The following CIB3 variants were observed in gnomAD, a reference collection of about 807,000 sequenced individuals.
The protein encoded by CIB3 is calcium and integrin binding family member 3, also known as calcium and integrin-binding family member 3.
Under a neutral mutation model 23.4 loss-of-function variants are expected in CIB3, and 22 were observed. The ratio of observed to expected loss-of-function variants is 0.94; its 90% CI spans 0.67 to 1.34. CIB3 has a LOEUF of 1.34. Ranked by LOEUF, CIB3 falls within the 40% of genes most tolerant of loss-of-function variation. CIB3 has a pLI of 0.00. For synonymous variants in CIB3, 93 were observed against 95.8 expected (o/e 0.97, Z 0.17); for missense variants, 258 against 247.3 (o/e 1.04, Z -0.29).
chr19:16,169,530 AT>A (rs750588045), intron 3 of CIB3, 99 bp downstream of exon 3: 24 of 1,072,220 alleles, frequency 2.2e-5, no homozygotes, highest in Non-Finnish European at 3.2e-5. Flanking sequence ...CAGTTTTCTT[AT>A]CTTTAAAATG....
chr19:16,166,914 T>C (rs2091308035), intron 4 of CIB3, among the ~76,000 whole-genome samples: 1 of 152,114 alleles, frequency 6.6e-6, no homozygotes, highest in Non-Finnish European at 1.5e-5. Context: ...ACCCCATCTT[T>C]ACTAAAAATA....
In CIB3 at chr19:16,168,173, G is replaced by A. The variant is rs201589872; in HGVS notation, c.310C>T (p.Arg104Cys). The change falls in exon 4 of 6, where the codon CGC (arginine) becomes TGC (cysteine). Residue 104 changes from arginine (R) to cysteine (C), a missense_variant. By Grantham distance (180) the Arg-to-Cys change is radical. Coordinates refer to ENST00000269878, the MANE Select transcript of CIB3 (RefSeq NM_054113.4). Reference sequence around the variant, plus strand: ...AAAGCATAGTAAGCCTTGAGGTCGCGGGGAGCCATTTCACTCATCACGGAA... The same window carrying A: ...AAAGCATAGTAAGCCTTGAGGTCGCAGGGAGCCATTTCACTCATCACGGAA... ...MFSVMSEMAP[R>C]DLKAYYAFKI... 217 of 1,611,590 alleles carry A rather than the reference G, an allele frequency of 1.3e-4. No individual in the cohort carries two copies. The highest frequency in any genetic ancestry group is 2.0e-4 in the South Asian group (18 of 90,388).
At chr19:16,165,025 G>T in intron 4 of CIB3, 112 bp from the exon 5 acceptor site, 2 of 892,720 alleles carry the variant, frequency 2.2e-6, no homozygotes, top group Non-Finnish European at 3.6e-6. Flanking sequence ...CGGGCACGGT[G>T]GCTCACGCCT....
At chr19:16,165,683 T>C (rs1249237006) in intron 4 of CIB3, among the ~76,000 whole-genome samples, 2 of 152,160 alleles carry the variant, frequency 1.3e-5, no homozygotes, top group African/African-American at 4.8e-5. Context: ...CCTCAGGTGA[T>C]CCACCCACCT....
chr19:16,166,987 G>T lies in CIB3; in HGVS notation c.346+1150C>A, dbSNP rs555456784. Among the ~76,000 whole-genome samples the T allele has an allele frequency of 8.5e-5, 13 of 152,226 alleles. No individual in the cohort carries two copies. In the South Asian group the frequency reaches 1.0e-3, roughly 12 times the overall value. On this transcript the variant is annotated intron_variant, in intron 4 of 5. Transcript: ENST00000269878. ...TCCCAGCACTTTGGGAGGCTGAGGC[G>T]GGTGGATCACCTGAGGTCAGGAGTT...
Position 16,173,419 on chromosome 19 carries a change from C to A in CIB3, c.51+6G>T. 1 of 1,613,620 alleles carries A rather than the reference C, an allele frequency of 6.2e-7. No homozygotes were observed. The highest frequency in any genetic ancestry group is 8.5e-7 in the Non-Finnish European group (1 of 1,179,534). On this transcript the variant is annotated splice_donor_region_variant and intron_variant, in intron 1 of 5. Transcript: ENST00000269878. ...CCCACTGAGGACCCATCCTGCCCCC[C>A]TCTACCTGATACGCTTCCAGCTGCT...
rs748948535 is a variant in CIB3 at position 16,164,863 on chromosome 19, T to G, written c.397A>C (p.Thr133Pro). Residue 133 changes from threonine to proline, a missense_variant, in exon 5 of 6, where the codon ACC becomes CCC. Transcript: ENST00000269878. ...ICAWDLEQTV[T>P]KLTRGGLSAE... ...CTCAGCCCCCCCCGCGTCAGTTTGGTCACCGTCTGCTCCAGGTCCCACGCA... is the reference window on the plus strand; with the variant it reads ...CTCAGCCCCCCCCGCGTCAGTTTGGGCACCGTCTGCTCCAGGTCCCACGCA... 1 of 1,614,080 alleles carries G rather than the reference T, an allele frequency of 6.2e-7. No homozygotes were observed. The highest frequency in any genetic ancestry group is 8.5e-7 in the Non-Finnish European group (1 of 1,180,018).
chr19:16,166,368 T>C (rs1485727582), intron 4 of CIB3, among the ~76,000 whole-genome samples: 1 of 152,186 alleles, frequency 6.6e-6, no homozygotes, highest in African/African-American at 2.4e-5. Context: ...CTTTCATTCA[T>C]TTATTCAAGT....
chr19:16,169,542 G>A, intron 3 of CIB3, 88 bp downstream of exon 3: 1 of 1,158,240 alleles, frequency 8.6e-7, no homozygotes, highest in East Asian at 2.6e-5. Context: ...CTTTAAAATG[G>A]GGATAACTGC....
chr19:16,169,750 G>C lies in CIB3; in HGVS notation c.87-9C>G, dbSNP rs1286697402. On this transcript the variant is annotated splice_polypyrimidine_tract_variant and intron_variant, in intron 2 of 5. Transcript: ENST00000269878. ...GGTAGCGATAGAAGAGCCTGATGTG[G>C]GGAGGAAAAAGCTGGGAAAGACTGG... 1 of 1,591,024 alleles carries C rather than the reference G, an allele frequency of 6.3e-7. No homozygotes were observed. The highest frequency in any genetic ancestry group is 1.4e-5 in the African/African-American group (1 of 73,754).
intron 5 of CIB3, among the ~76,000 whole-genome samples, chr19:16,164,019 T>C (rs2091295496): frequency 6.6e-6 from 1 of 152,216 alleles, no homozygotes; most frequent in Admixed American, 6.5e-5. Flanking sequence ...TGACCCAGGC[T>C]GGAGTGCATG....
intron 2 of CIB3, 151 bp downstream of exon 2, chr19:16,173,011 G>A: frequency 4.7e-6 from 5 of 1,068,262 alleles, no homozygotes; most frequent in Non-Finnish European, 5.5e-6. Flanking sequence ...GAGAGAGAGA[G>A]AAAAGAGAAA....
chr19:16,161,569 A>C, intron 5 of CIB3, 83 bp from the exon 6 acceptor site: 5 of 1,479,908 alleles, frequency 3.4e-6, no homozygotes, highest in Non-Finnish European at 4.7e-6. Context: ...GCTCACGGCA[A>C]GTCCCTGGGA....
At position 16,164,810 on chromosome 19, in the gene CIB3, C is replaced by T. The variant is rs547971818; in HGVS notation, c.450G>A (p.Glu150=). 5 of 1,614,076 alleles carry T rather than the reference C, an allele frequency of 3.1e-6. No individual in the cohort carries two copies. The Middle Eastern group carries it at 6.6e-4, about 213-fold the overall frequency. The change falls in exon 5 of 6, where the codon GAG becomes GAA. Residue 150 remains glutamate, a synonymous_variant. Transcript: ENST00000269878. ...LSAEEVSLVC[E]KVLDEADGDH... ...CTCCATCAGCCTCATCCAGCACCTT[C>T]TCACATACCAGGCTCACCTCCTCGG...
chr19:16,161,626 G>A (rs2145074602), intron 5 of CIB3, 140 bp from the exon 6 acceptor site: 1 of 798,526 alleles, frequency 1.3e-6, no homozygotes, highest in Non-Finnish European at 2.1e-6. Flanking sequence ...CCCTAGGCCG[G>A]GAGACCCCTA....
intron 2 of CIB3, 125 bp downstream of exon 2, chr19:16,173,037 T>G: frequency 9.7e-7 from 1 of 1,030,978 alleles, no homozygotes; most frequent in Non-Finnish European, 1.4e-6. Flanking sequence ...AAAGAAAGAC[T>G]ACTTACACAC....
chr19:16,166,117 C>A (rs2091304755), intron 4 of CIB3, among the ~76,000 whole-genome samples: 1 of 152,066 alleles, frequency 6.6e-6, no homozygotes, highest in Non-Finnish European at 1.5e-5. Flanking sequence ...CATGGTGAAA[C>A]CCCATCTCTA....
chr19:16,165,371 A>G (rs1402782541), intron 4 of CIB3, among the ~76,000 whole-genome samples: 1 of 151,394 alleles, frequency 6.6e-6, no homozygotes, highest in African/African-American at 2.4e-5. Context: ...AACTTGCCTT[A>G]AAATTGGGCA....
chr19:16,169,415 A>G (rs1423275162), intron 3 of CIB3, among the ~76,000 whole-genome samples: 3 of 152,148 alleles, frequency 2.0e-5, no homozygotes, highest in Non-Finnish European at 4.4e-5. Context: ...AAGTGCTGGG[A>G]TTACAGGCTT....
Sources: gnomAD v4.1 joint callset for allele counts (sites outside exome capture counted in the v4.1 genomes callset) on GRCh38, gnomAD v4.1.1 for gene constraint, MANE v1.5 for transcripts, NCBI Gene and HGNC (gene_info 2026-07-23, HGNC 2026-07-21) for gene names.